PWWP2A: variants seen among roughly 807,000 people sequenced by gnomAD.
PWWP2A encodes PWWP domain containing 2A, also known as PWWP domain-containing protein 2A.
In PWWP2A, 18 loss-of-function variants were observed where a neutral mutation model predicts 48.5. That is an observed-to-expected ratio of 0.37 (90% CI 0.26 to 0.55). PWWP2A has a LOEUF of 0.55. PWWP2A is among the 20% of genes least tolerant of loss of function. PWWP2A has a pLI of 0.81. For synonymous variants in PWWP2A, 396 were observed against 387.7 expected (o/e 1.02, Z -0.25); for missense variants, 867 against 976.4 (o/e 0.89, Z 1.49).
intron 1 of PWWP2A, among the ~76,000 whole-genome samples, chr5:160,101,647 C>T (rs981610823): frequency 3.3e-5 from 4 of 119,752 alleles, no homozygotes; most frequent in African/African-American, 1.3e-4. Flanking sequence ...GGTTAAAATA[C>T]ATTTTGTTAT....
At chr5:160,066,296 A>ATTTTTTTTTTTTTTTTTTT (rs59262456) in intron 4 of PWWP2A, among the ~76,000 whole-genome samples, 1 of 94,756 alleles carries the variant, frequency 1.1e-5, no homozygotes, top group African/African-American at 4.1e-5. Flanking sequence ...AGTGGTTCTC[A>ATTTTTTTTTTTTTTTTTTT]TTTTTTTTTT....
Position 160,115,137 on chromosome 5 carries a change from CAAA to C in PWWP2A, c.584+3665_584+3667del, listed in dbSNP as rs535110852. Among the ~76,000 whole-genome samples, 275 of 88,266 alleles carry C rather than the reference CAAA, an allele frequency of 3.1e-3. 1 individual carries two copies. The highest frequency in any genetic ancestry group is 4.3e-3 in the Admixed American group (31 of 7,198). 57.9% of individuals were successfully genotyped at this position (88,266 alleles called of 152,430 possible). On this transcript the variant is annotated intron_variant, in intron 1 of 1. Transcript: ENST00000307063. ...CCTGGGTAACAGAGGGAGACTCTGT[CAAA>C]AAAAAAAAAAAAAAAAAAAAAAAAA...
Position 160,093,333 on chromosome 5 carries a change from T to G in PWWP2A, c.1317A>C (p.Ala439=), listed in dbSNP as rs1440453606. 1 of 1,613,924 alleles carries G rather than the reference T, an allele frequency of 6.2e-7. No homozygotes were observed. Among genetic ancestry groups the G allele is most frequent in the African/African-American group, 1.3e-5 (1 of 75,066 alleles). The change falls in exon 2 of 2, where the codon GCA becomes GCC. Residue 439 remains alanine (A), a synonymous_variant. Transcript: ENST00000307063. This position sits in a 1 kb window ranked among gnomAD's most constrained non-coding sequence, Gnocchi z 5.8. ...TAGAGGTTTCATTTTGCTTCTTTTG[T>G]GCCTTTTCTTTGGCAATTTTTAACA... ...REVLKIAKEK[A]QKKQNETSTS... is the part of the protein sequence containing the mutation.
intron 1 of PWWP2A, among the ~76,000 whole-genome samples, chr5:160,112,504 G>A (rs1023759814): frequency 6.6e-6 from 1 of 152,184 alleles, no homozygotes; most frequent in Non-Finnish European, 1.5e-5. Context: ...TTACAGGCAT[G>A]AGCCACCACA....
intron 1 of PWWP2A, among the ~76,000 whole-genome samples, chr5:160,105,453 G>A (rs983539435): frequency 2.6e-5 from 4 of 151,224 alleles, no homozygotes; most frequent in African/African-American, 7.3e-5. Flanking sequence ...CAGGAGAATC[G>A]CCTGAACCTG....
intron 1 of PWWP2A, among the ~76,000 whole-genome samples, chr5:160,106,495 A>G (rs890681935): frequency 1.3e-5 from 2 of 152,202 alleles, no homozygotes; most frequent in Admixed American, 1.3e-4. Flanking sequence ...TAGATTAAAT[A>G]TGCAGGAAAA....
intron 1 of PWWP2A, among the ~76,000 whole-genome samples, chr5:160,106,894 A>G (rs1001068382): frequency 1.1e-4 from 16 of 139,936 alleles, no homozygotes; most frequent in Middle Eastern, 4.1e-3. Flanking sequence ...GGGAGATCTC[A>G]GCTCACGCAA....
intron 1 of PWWP2A, among the ~76,000 whole-genome samples, chr5:160,097,711 G>GC (rs1179232903): frequency 6.8e-6 from 1 of 147,548 alleles, no homozygotes; most frequent in African/African-American, 2.5e-5. Context: ...TTTTTTGGGG[G>GC]GGGGGGCGGT....
At chr5:160,115,951 G>T (rs61594020) in intron 1 of PWWP2A, among the ~76,000 whole-genome samples, 1,657 of 151,980 alleles carry the variant, frequency 0.011, 29 homozygotes, top group African/African-American at 0.038. Flanking sequence ...ATACTGGCAG[G>T]TCCATTTTTC....
intron 1 of PWWP2A, among the ~76,000 whole-genome samples, chr5:160,113,681 C>A (rs753603514): frequency 6.6e-6 from 1 of 152,188 alleles, no homozygotes. Context: ...GTGGAGTCTC[C>A]GGAGCCAGGT....
chr5:160,094,096 C>T (rs777741740), intron 1 of PWWP2A, 31 bp from the exon 2 acceptor site: 1 of 1,538,460 alleles, frequency 6.5e-7, no homozygotes, highest in Non-Finnish European at 8.8e-7. Flanking sequence ...AAAAAGAAGA[C>T]ATTAAGTTAA....
the PWWP2A span, among the ~76,000 whole-genome samples, chr5:160,053,556 C>T: frequency 4.6e-5 from 7 of 151,890 alleles, no homozygotes; most frequent in African/African-American, 1.7e-4. Context: ...AGAGTGAGAC[C>T]TTGTCTTTAA....
downstream of PWWP2A, among the ~76,000 whole-genome samples, chr5:160,072,260 T>C (rs926981128): frequency 6.6e-6 from 1 of 152,166 alleles, no homozygotes; most frequent in Non-Finnish European, 1.5e-5. Context: ...AATGAAAAAT[T>C]GATTACTGTG....
intron 1 of PWWP2A, among the ~76,000 whole-genome samples, chr5:160,111,233 T>TG (rs1757537590): frequency 1.3e-5 from 2 of 152,140 alleles, no homozygotes; most frequent in African/African-American, 4.8e-5. Flanking sequence ...AATAGCATGA[T>TG]CTCAGCTCAC....
At chr5:160,076,368 G>C (rs1184816352) in exon 4 of PWWP2A, 1 of 152,100 alleles carries the variant, frequency 6.6e-6, no homozygotes, top group Non-Finnish European at 1.5e-5. Flanking sequence ...AAGTGAGCCC[G>C]AAAGTACTGC....
At chr5:160,070,768 C>T (rs1753722116) in intron 2 of PWWP2A, among the ~76,000 whole-genome samples, 1 of 152,198 alleles carries the variant, frequency 6.6e-6, no homozygotes, top group African/African-American at 2.4e-5. Flanking sequence ...AATGACAAGA[C>T]CTCATACGCT....
chr5:160,064,247 G>C (rs1753529552), intron 4 of PWWP2A, among the ~76,000 whole-genome samples: 1 of 152,178 alleles, frequency 6.6e-6, no homozygotes, highest in African/African-American at 2.4e-5. Flanking sequence ...GGGATTACAG[G>C]CGTGAGCCAC....
At chr5:160,089,993 T>C, downstream of PWWP2A, 1 of 984,892 alleles carries the variant, frequency 1.0e-6, no homozygotes, top group Non-Finnish European at 1.2e-6. Context: ...AGAATACACA[T>C]TTAAGATTAG....
downstream of PWWP2A, among the ~76,000 whole-genome samples, chr5:160,061,046 T>C (rs906322660): frequency 1.3e-5 from 2 of 152,264 alleles, no homozygotes; most frequent in African/African-American, 4.8e-5. Context: ...GTTCTCAAGC[T>C]GTCAGTGGCC....
Sources: allele counts gnomAD v4.1 joint callset (sites outside exome capture counted in the v4.1 genomes callset), GRCh38; gene constraint gnomAD v4.1.1; non-coding constraint Gnocchi (gnomAD v3.1); transcripts MANE v1.5; gene names NCBI Gene and HGNC (gene_info 2026-07-23, HGNC 2026-07-21).